The following ZNF75D variants were observed in gnomAD, a reference collection of about 807,000 sequenced individuals.
The protein encoded by ZNF75D is zinc finger protein 75.
A neutral mutation model predicts 33.3 loss-of-function variants in ZNF75D; 33 were observed. The observed-to-expected ratio is 0.99, with a 90% CI of 0.75 to 1.32. The LOEUF is 1.32. ZNF75D is among the 40% of genes most tolerant of loss of function. The pLI, the probability that ZNF75D is intolerant of heterozygous loss-of-function variation, is 0.00. For synonymous variants in ZNF75D, 113 were observed against 130.6 expected, an observed-to-expected ratio of 0.87 and a Z score of 0.92; for missense variants, 338 against 367.5, an observed-to-expected ratio of 0.92 and a Z score of 0.66.
At chrX:135,291,385 T>C in intron 5 of ZNF75D, 87 bp downstream of exon 5, 4 of 1,084,767 alleles carry the variant, frequency 3.7e-6, no homozygotes, top group Non-Finnish European at 3.8e-6. Flanking sequence ...AAGCACCTGC[T>C]GGACACTATG....
intron 1 of ZNF75D, among the ~76,000 whole-genome samples, chrX:135,335,418 C>T (rs2148496020): frequency 9.0e-6 from 1 of 111,335 alleles, no homozygotes; most frequent in South Asian, 3.9e-4. Context: ...TTACCTAATG[C>T]CTCCCTGAAG....
rs186922470 is a variant in ZNF75D, at chrX:135,258,318, T to G, written n.828-2541A>C. 2.6e-3 allele frequency among the ~76,000 whole-genome samples: 291 copies of G among 110,525 alleles called. 2 individuals are homozygous for G. The highest frequency in any genetic ancestry group is 0.019 in the Middle Eastern group (4 of 216). On this transcript the variant is annotated intron_variant and non_coding_transcript_variant, in intron 1 of 3. Coordinates refer to the ZNF75D transcript ENST00000494295. ...TCCTTTGGGTATATACCCAGTAATG[T>G]GATTACTGGGTCAAATGGTAATTCT...
chrX:135,289,596 A>G (rs2084005677), intron 6 of ZNF75D, among the ~76,000 whole-genome samples: 1 of 102,911 alleles, frequency 9.7e-6, no homozygotes, highest in Admixed American at 1.1e-4. Flanking sequence ...AGCCTGGGTG[A>G]CAGAGTGAGA....
chrX:135,289,355 G>A (rs1174985557), intron 6 of ZNF75D, among the ~76,000 whole-genome samples: 1 of 112,384 alleles, frequency 8.9e-6, no homozygotes, highest in Admixed American at 9.4e-5. Flanking sequence ...GGTGGCTCAT[G>A]CCTGTAATCT....
intron 1 of ZNF75D, among the ~76,000 whole-genome samples, chrX:135,257,534 C>G (rs782631661): frequency 8.8e-6 from 1 of 113,340 alleles, no homozygotes; most frequent in South Asian, 3.6e-4. Flanking sequence ...AGGTATTTTA[C>G]TCTAATCCCT....
chrX:135,282,255 C>T (rs907195307), downstream of ZNF75D, among the ~76,000 whole-genome samples: 4 of 111,657 alleles, frequency 3.6e-5, no homozygotes, highest in Admixed American at 9.5e-5. Flanking sequence ...TGGGCTCTGC[C>T]GAGTTTGAAC....
intron 1 of ZNF75D, among the ~76,000 whole-genome samples, chrX:135,322,224 C>T (rs868930236): frequency 3.6e-5 from 4 of 111,864 alleles, no homozygotes; most frequent in East Asian, 2.8e-4. Context: ...GACGGACCCC[C>T]GCAGCTGCCA....
intron 1 of ZNF75D, among the ~76,000 whole-genome samples, chrX:135,334,811 C>T (rs1284422352): frequency 9.0e-6 from 1 of 111,607 alleles, no homozygotes; most frequent in African/African-American, 3.3e-5. Flanking sequence ...TATACATGTG[C>T]ATGCTAATAC....
chrX:135,304,644 G>C (rs782755076), intron 1 of ZNF75D, among the ~76,000 whole-genome samples: 17 of 112,264 alleles, frequency 1.5e-4, no homozygotes, highest in Admixed American at 1.3e-3. Context: ...ATGTTCCTTC[G>C]ACGGCTAACC....
rs2148470368 is a variant in ZNF75D at position 135,291,064 on chromosome X, C to T, written c.768G>A (p.Glu256=). The T allele has an allele frequency of 1.7e-6, 2 of 1,207,152 alleles. No homozygotes were observed. Among genetic ancestry groups the T allele is most frequent in the East Asian group, 5.9e-5 (2 of 33,854 alleles). Residue 256 remains glutamate (E), a synonymous_variant, in exon 6 of 7, where the codon GAG becomes GAA. Coordinates refer to ENST00000370766, the MANE Select transcript of ZNF75D (RefSeq NM_007131.5). Reference sequence around the variant, plus strand: ...GCATTACATCATTGTAGAGAGTCTTCTCAAGAGGATTCAATAATTGCCACT... The same window carrying T: ...GCATTACATCATTGTAGAGAGTCTTTTCAAGAGGATTCAATAATTGCCACT... ...EEEWQLLNPL[E]KTLYNDVMQD...
chrX:135,260,263 G>A (rs184202315), intron 1 of ZNF75D, among the ~76,000 whole-genome samples: 1 of 111,539 alleles, frequency 9.0e-6, no homozygotes, highest in Admixed American at 9.5e-5. Context: ...TTCTTTTTTT[G>A]TTGTGTCTCT....
At chrX:135,279,380 CTTCT>C (rs1182793615) in intron 1 of ZNF75D, among the ~76,000 whole-genome samples, 2 of 111,247 alleles carry the variant, frequency 1.8e-5, no homozygotes. Context: ...TTTCTCTCTT[CTTCT>C]TTATCAGTCT....
chrX:135,278,205 C>T (rs1417252156), intron 1 of ZNF75D, among the ~76,000 whole-genome samples: 1 of 111,591 alleles, frequency 9.0e-6, no homozygotes, highest in Non-Finnish European at 1.9e-5. Context: ...AGGTCCTTCA[C>T]ATCCCTTGTA....
At chrX:135,258,144 A>T (rs2083816574) in intron 1 of ZNF75D, among the ~76,000 whole-genome samples, 1 of 99,013 alleles carries the variant, frequency 1.0e-5, no homozygotes, top group Non-Finnish European at 2.2e-5. Flanking sequence ...ACATGAACTC[A>T]TCATTTTTTA....
chrX:135,258,899 G>C (rs2083824474), intron 1 of ZNF75D, among the ~76,000 whole-genome samples: 1 of 112,148 alleles, frequency 8.9e-6, no homozygotes, highest in East Asian at 2.8e-4. Flanking sequence ...TATTGCCTAG[G>C]TTTCCTTCAA....
chrX:135,257,960 G>C (rs781813024), intron 1 of ZNF75D, among the ~76,000 whole-genome samples: 102 of 106,678 alleles, frequency 9.6e-4, no homozygotes, highest in African/African-American at 3.2e-3. Context: ...ATTCCTCCCG[G>C]AGCCCCCCCA....
At chrX:135,284,665 G>A (rs5933529), downstream of ZNF75D, among the ~76,000 whole-genome samples, 38,259 of 110,842 alleles carry the variant, frequency 0.35, 4,995 homozygotes, top group East Asian at 0.75. Context: ...TTAAATAATT[G>A]ATCTCTCAAA....
chrX:135,258,255 T>C (rs782648892), intron 1 of ZNF75D, among the ~76,000 whole-genome samples: 6 of 107,901 alleles, frequency 5.6e-5, no homozygotes, highest in Non-Finnish European at 1.2e-4. Context: ...GCAATAAACA[T>C]ACGTGTGCAT....
At chrX:135,318,179 G>C (rs1357558452) in intron 1 of ZNF75D, among the ~76,000 whole-genome samples, 1 of 105,709 alleles carries the variant, frequency 9.5e-6, no homozygotes, top group Non-Finnish European at 1.9e-5. Context: ...GCACCTTTGT[G>C]ATCTCTGCTT....
Sources: gnomAD v4.1 joint callset for allele counts (sites outside exome capture counted in the v4.1 genomes callset) on GRCh38, gnomAD v4.1.1 for gene constraint, MANE v1.5 for transcripts, NCBI Gene and HGNC (gene_info 2026-07-23, HGNC 2026-07-21) for gene names.